The following ROR1 variants were observed in gnomAD, a reference collection of about 807,000 sequenced individuals.
ROR1 encodes inactive tyrosine-protein kinase transmembrane receptor ROR1.
ROR1 carries 19 observed loss-of-function variants against 78.8 expected under a neutral mutation model. The observed-to-expected ratio is 0.24, with a 90% CI of 0.17 to 0.35. The LOEUF (loss-of-function observed/expected upper bound fraction) is 0.35. Among genes scored for constraint, ROR1 ranks in the 10% least tolerant of loss-of-function variants. The pLI is 1.00. For missense variants in ROR1, 917 were observed against 1,177.8 expected (o/e 0.78, Z 3.24); for synonymous variants, 386 against 433.6 (o/e 0.89, Z 1.36).
intron 4 of ROR1, among the ~76,000 whole-genome samples, chr1:64,072,349 C>T (rs1242065377): frequency 6.6e-6 from 1 of 152,020 alleles, no homozygotes; most frequent in Non-Finnish European, 1.5e-5. Flanking sequence ...TTTGAGGGCT[C>T]TGGACTAAGA....
chr1:63,809,749 T>C (rs11208297), intron 1 of ROR1, among the ~76,000 whole-genome samples: 12,107 of 152,238 alleles, frequency 0.08, 1,612 homozygotes, highest in African/African-American at 0.28. Flanking sequence ...CCTGAAAATA[T>C]CTGTGTCAGA....
intron 2 of ROR1, among the ~76,000 whole-genome samples, chr1:64,031,882 A>G (rs1344652549): frequency 6.6e-6 from 1 of 151,962 alleles, no homozygotes; most frequent in Non-Finnish European, 1.5e-5. Context: ...TGCATGCACT[A>G]TAACATTTTG....
chr1:64,035,471 G>A (rs990236482), intron 2 of ROR1, among the ~76,000 whole-genome samples: 21 of 152,136 alleles, frequency 1.4e-4, no homozygotes, highest in African/African-American at 4.6e-4. Context: ...ATCATGAGGG[G>A]CCTTCAGCAG....
rs1489482657 is a variant in ROR1, at chr1:63,854,649, A to T, written c.91+80141A>T. Among the ~76,000 whole-genome samples, 42 of 152,240 alleles carry T rather than the reference A, an allele frequency of 2.8e-4. 1 individual carries two copies. On this transcript the variant is annotated intron_variant, in intron 1 of 8. Transcript: ENST00000371079. ...TTTACCTCTTCTGGATTCTAAACCC[A>T]TCATAGGTAGAGATAGAACATGTCT...
chr1:63,815,446 A>AT (rs1213973275), intron 1 of ROR1, among the ~76,000 whole-genome samples: 51 of 102,980 alleles, frequency 5.0e-4, no homozygotes, highest in Middle Eastern at 6.8e-3. Flanking sequence ...CCAGGACTGG[A>AT]TTTTTTTTTT....
chr1:63,818,473 C>T (rs1644905138), intron 1 of ROR1, among the ~76,000 whole-genome samples: 1 of 152,236 alleles, frequency 6.6e-6, no homozygotes, highest in Non-Finnish European at 1.5e-5. Flanking sequence ...ACTTGTTTCT[C>T]CATCTAACCT....
intron 8 of ROR1, among the ~76,000 whole-genome samples, chr1:64,171,560 A>G (rs1384249708): frequency 1.3e-5 from 2 of 152,214 alleles, no homozygotes; most frequent in East Asian, 1.9e-4. Flanking sequence ...TCAAAAGAAT[A>G]GCATAGATTT....
chr1:64,068,184 ATTGT>A (rs1646973971), intron 4 of ROR1, among the ~76,000 whole-genome samples: 1 of 152,122 alleles, frequency 6.6e-6, no homozygotes, highest in Non-Finnish European at 1.5e-5. Flanking sequence ...AAACGTCATG[ATTGT>A]TTATTTGTAT....
At chr1:64,119,838 G>A (rs550726489) in intron 4 of ROR1, among the ~76,000 whole-genome samples, 1 of 152,288 alleles carries the variant, frequency 6.6e-6, no homozygotes, top group African/African-American at 2.4e-5. Flanking sequence ...AAGGCCACAT[G>A]GGTAAGAAAG....
At chr1:63,971,253 AG>A (rs1646117998) in intron 1 of ROR1, among the ~76,000 whole-genome samples, 1 of 152,192 alleles carries the variant, frequency 6.6e-6, no homozygotes, top group African/African-American at 2.4e-5. Context: ...TAAACCCCTT[AG>A]GCCTCACTTT....
At chr1:64,053,698 T>C (rs765765773) in intron 4 of ROR1, among the ~76,000 whole-genome samples, 2 of 152,226 alleles carry the variant, frequency 1.3e-5, no homozygotes, top group Admixed American at 6.5e-5. Flanking sequence ...TTGTGGTGTG[T>C]TTTAAATGAT....
At chr1:64,023,008 A>T (rs1646577189) in intron 2 of ROR1, among the ~76,000 whole-genome samples, 1 of 152,196 alleles carries the variant, frequency 6.6e-6, no homozygotes, top group Non-Finnish European at 1.5e-5. Flanking sequence ...GGAAAACTCT[A>T]ATAATGCGAT....
chr1:63,941,221 A>C (rs1645836824), intron 1 of ROR1, among the ~76,000 whole-genome samples: 1 of 152,150 alleles, frequency 6.6e-6, no homozygotes, highest in Admixed American at 6.5e-5. Context: ...TCTGGATTAG[A>C]TATATATAAA....
intron 1 of ROR1, among the ~76,000 whole-genome samples, chr1:63,909,610 C>T (rs1489491311): frequency 6.6e-6 from 1 of 152,174 alleles, no homozygotes. Context: ...GTCTCTTCCT[C>T]CAGCTGCCTT....
At chr1:63,935,643 A>G (rs1343302936) in intron 1 of ROR1, among the ~76,000 whole-genome samples, 2 of 152,210 alleles carry the variant, frequency 1.3e-5, no homozygotes, top group East Asian at 1.9e-4. Context: ...AACCAAGACT[A>G]TATTTAATCA....
At chr1:63,895,956 A>G (rs1261365001) in intron 1 of ROR1, among the ~76,000 whole-genome samples, 1 of 152,018 alleles carries the variant, frequency 6.6e-6, no homozygotes, top group Non-Finnish European at 1.5e-5. Flanking sequence ...TAAGTTCTGG[A>G]TACCCTCTGT....
At chr1:64,168,629 A>G (rs1650151794) in intron 8 of ROR1, among the ~76,000 whole-genome samples, 1 of 152,186 alleles carries the variant, frequency 6.6e-6, no homozygotes. Flanking sequence ...ACTAAAGGAA[A>G]CTGGTGATAT....
chr1:63,817,564 C>A (rs1218443273), intron 1 of ROR1, among the ~76,000 whole-genome samples: 1 of 152,252 alleles, frequency 6.6e-6, no homozygotes, highest in Middle Eastern at 3.4e-3. Flanking sequence ...AGTACAGTAT[C>A]ATTAGCATGC....
intron 1 of ROR1, among the ~76,000 whole-genome samples, chr1:63,864,684 A>G (rs1032278695): frequency 1.3e-5 from 2 of 152,012 alleles, no homozygotes; most frequent in African/African-American, 4.8e-5. Flanking sequence ...TGGCTATAGG[A>G]TCTTGGAAGA....
Sources: allele counts gnomAD v4.1 joint callset (sites outside exome capture counted in the v4.1 genomes callset), GRCh38; gene constraint gnomAD v4.1.1; transcripts MANE v1.5; gene names NCBI Gene and HGNC (gene_info 2026-07-23, HGNC 2026-07-21).